Variants in NEK11 observed in about 807,000 individuals in gnomAD.
NEK11 encodes NIMA related kinase 11.
Under a neutral mutation model 80.7 loss-of-function variants are expected in NEK11, and 72 were observed. The observed-to-expected ratio is 0.89, with a 90% CI of 0.74 to 1.08. The LOEUF (loss-of-function observed/expected upper bound fraction) is 1.08, where lower values mean the gene tolerates loss of function less well. Ranked by LOEUF, NEK11 falls within the 50% of genes least tolerant of loss-of-function variation. NEK11 has a pLI of 0.00. For synonymous variants in NEK11, 251 were observed against 260.7 expected (o/e 0.96, Z 0.36); for missense variants, 764 against 763.6 (o/e 1.00, Z -0.01).
chr3:131,147,563 C>T (rs1385419707), intron 7 of NEK11, among the ~76,000 whole-genome samples: 1 of 151,968 alleles, frequency 6.6e-6, no homozygotes, highest in East Asian at 1.9e-4. Flanking sequence ...CGTGGCTATT[C>T]AGGTTCCTTT....
chr3:131,147,346 G>A (rs1222374636), intron 7 of NEK11, among the ~76,000 whole-genome samples: 1 of 151,860 alleles, frequency 6.6e-6, no homozygotes, highest in Non-Finnish European at 1.5e-5. Context: ...ACCATGCAGT[G>A]GTTTATTTTT....
chr3:131,290,905 T>A (rs2096537119), intron 17 of NEK11, among the ~76,000 whole-genome samples: 1 of 152,204 alleles, frequency 6.6e-6, no homozygotes, highest in Admixed American at 6.5e-5. Flanking sequence ...ACCAAGATGG[T>A]ACATTTGTTG....
At chr3:131,219,115 T>G (rs1025780733) in intron 14 of NEK11, among the ~76,000 whole-genome samples, 4 of 152,148 alleles carry the variant, frequency 2.6e-5, no homozygotes, top group Non-Finnish European at 5.9e-5. Flanking sequence ...GCAGCACTAT[T>G]CACAATAGCA....
chr3:131,250,867 A>G lies in NEK11; in HGVS notation c.1621+7371A>G, dbSNP rs148021771. Among the ~76,000 whole-genome samples, 1,159 of 152,258 alleles carry G rather than the reference A, an allele frequency of 7.6e-3. 3 individuals are homozygous for G. The highest frequency in any genetic ancestry group is 0.014 in the Middle Eastern group (4 of 294). On this transcript the variant is annotated intron_variant, in intron 16 of 17. Coordinates refer to ENST00000383366, the MANE Select transcript of NEK11 (RefSeq NM_024800.5). ...GAAAACTAAACAAAGTGAAAAATCC[A>G]GGGCAATTATGAACTCCTGGAAAAA...
chr3:131,135,638 A>T (rs934960733), intron 7 of NEK11, among the ~76,000 whole-genome samples: 8 of 152,166 alleles, frequency 5.3e-5, no homozygotes, highest in Admixed American at 4.6e-4. Context: ...AATTTCAATT[A>T]TATACCTATA....
intron 16 of NEK11, among the ~76,000 whole-genome samples, chr3:131,255,651 A>G (rs2095802351): frequency 6.6e-6 from 1 of 152,126 alleles, no homozygotes. Flanking sequence ...TTTCTAGAGA[A>G]TGCTTCCCCT....
chr3:131,274,048 G>A lies in NEK11; in HGVS notation c.1718+474G>A, dbSNP rs1337831650. ...ATGTATACATGTGCCATGCTGGTGC[G>A]CTGCACCCACTAACTCATCGTCTAG... On this transcript the variant is annotated intron_variant, in intron 17 of 17. Coordinates refer to ENST00000383366, the MANE Select transcript of NEK11 (RefSeq NM_024800.5). Among the ~76,000 whole-genome samples, 8 of 150,734 alleles carry A rather than the reference G, an allele frequency of 5.3e-5. No homozygotes were observed. In the South Asian group the frequency reaches 6.3e-4, roughly 12 times the overall value.
intron 4 of NEK11, among the ~76,000 whole-genome samples, chr3:131,096,243 C>T (rs772061696): frequency 6.6e-5 from 10 of 151,818 alleles, no homozygotes; most frequent in Non-Finnish European, 1.2e-4. Flanking sequence ...TCCATGTGTG[C>T]TCAATGTTTA....
chr3:131,319,110 A>G (rs1581880358), intron 17 of NEK11, among the ~76,000 whole-genome samples: 2 of 152,236 alleles, frequency 1.3e-5, no homozygotes, highest in East Asian at 3.9e-4. Context: ...AATATCTTGT[A>G]ATTACTAGTT....
chr3:131,244,743 A>G (rs2095571823), intron 16 of NEK11, among the ~76,000 whole-genome samples: 1 of 152,020 alleles, frequency 6.6e-6, no homozygotes, highest in Non-Finnish European at 1.5e-5. Context: ...GCAACATAGC[A>G]AGACCCCGTC....
intron 14 of NEK11, among the ~76,000 whole-genome samples, chr3:131,194,961 T>G (rs1445193301): frequency 6.6e-6 from 1 of 152,158 alleles, no homozygotes; most frequent in African/African-American, 2.4e-5. Flanking sequence ...ATAACATGGA[T>G]TCTGAGGTAC....
chr3:131,310,059 C>G (rs1162411431), intron 17 of NEK11, among the ~76,000 whole-genome samples: 2 of 127,392 alleles, frequency 1.6e-5, no homozygotes, highest in Admixed American at 8.4e-5. Flanking sequence ...TTCCTTATTG[C>G]ATTTTTCTAT....
chr3:131,318,260 A>T (rs2096863701), intron 17 of NEK11, among the ~76,000 whole-genome samples: 1 of 152,272 alleles, frequency 6.6e-6, no homozygotes, highest in East Asian at 1.9e-4. Flanking sequence ...TTTCAATCCC[A>T]AACAAATACA....
At chr3:131,146,815 G>A (rs561338959) in intron 7 of NEK11, among the ~76,000 whole-genome samples, 7 of 152,026 alleles carry the variant, frequency 4.6e-5, no homozygotes, top group South Asian at 2.1e-4. Flanking sequence ...AATGTTGAGC[G>A]TCTTCTCATG....
At chr3:131,112,677 C>A (rs1278718629) in intron 5 of NEK11, among the ~76,000 whole-genome samples, 1 of 152,112 alleles carries the variant, frequency 6.6e-6, no homozygotes, top group African/African-American at 2.4e-5. Context: ...ATGGAGGCTT[C>A]TTCTTGGAAG....
intron 14 of NEK11, among the ~76,000 whole-genome samples, chr3:131,176,835 C>T (rs62284209): frequency 0.22 from 33,294 of 151,960 alleles, 4,096 homozygotes; most frequent in African/African-American, 0.34. Context: ...TATATGTCAT[C>T]CCATGGATCA....
rs569957180 is a variant in NEK11 at position 131,102,861 on chromosome 3, A to G, written c.337-6942A>G. On this transcript the variant is annotated intron_variant, in intron 4 of 17. Transcript: ENST00000383366. ...CCTATATTTATCAGAAGTTTTATTC[A>G]TTTTTAAAAATTATTTTTCTTTATT... 2.6e-5 allele frequency among the ~76,000 whole-genome samples: 4 copies of G among 152,218 alleles called. No homozygotes were observed. In the East Asian group the frequency reaches 5.8e-4, roughly 22 times the overall value.
intron 14 of NEK11, among the ~76,000 whole-genome samples, chr3:131,225,462 A>G (rs11717770): frequency 0.28 from 42,342 of 152,164 alleles, 7,340 homozygotes; most frequent in Middle Eastern, 0.46. Context: ...GGTGTTGGGT[A>G]TTACAGGAAA....
chr3:131,178,247 A>T (rs546165478), intron 14 of NEK11, among the ~76,000 whole-genome samples: 1 of 152,206 alleles, frequency 6.6e-6, no homozygotes, highest in South Asian at 2.1e-4. Flanking sequence ...TAGACTTTAT[A>T]TATAAGCACT....
Sources: gnomAD v4.1 joint callset for allele counts (sites outside exome capture counted in the v4.1 genomes callset) on GRCh38, gnomAD v4.1.1 for gene constraint, MANE v1.5 for transcripts, NCBI Gene and HGNC (gene_info 2026-07-23, HGNC 2026-07-21) for gene names.